DMKN: variants seen among roughly 807,000 people sequenced by gnomAD.
DMKN encodes epidermis-specific secreted protein SK30/SK89.
A neutral mutation model predicts 67.6 loss-of-function variants in DMKN; 58 were observed. The observed-to-expected ratio is 0.86, with a 90% CI of 0.69 to 1.07. DMKN has a LOEUF of 1.07. Ranked by LOEUF, DMKN falls within the 50% of genes least tolerant of loss-of-function variation. The probability of loss-of-function intolerance (pLI) is 0.00; values close to 1 mark genes in which losing one functional copy is unlikely to be tolerated. For synonymous variants in DMKN, 240 were observed against 232.3 expected (o/e 1.03, Z -0.30); for missense variants, 596 against 601.5 (o/e 0.99, Z 0.10).
At chr19:35,498,397 T>C (rs2067802266) in intron 15 of DMKN, 1 of 369,932 alleles carries the variant, frequency 2.7e-6, no homozygotes, top group African/African-American at 2.1e-5. Flanking sequence ...CTTTTAGAGA[T>C]GGGGTCTTGC....
At position 35,513,244 on chromosome 19, in the gene DMKN, C is replaced by T; in HGVS notation, c.232G>A (p.Ala78Thr). The change falls in exon 1 of 16, where the codon GCA becomes ACA. Residue 78 changes from alanine (A) to threonine (T), a missense_variant. Transcript: ENST00000339686. ...SEALGQGTRE[A>T]VGTGVRQVPG... Reference sequence around the variant, plus strand: ...ACCTGCCTGACTCCAGTGCCAACTGCTTCTCTGGTCCCTTGGCCAAGGGCC... The same window carrying T: ...ACCTGCCTGACTCCAGTGCCAACTGTTTCTCTGGTCCCTTGGCCAAGGGCC... 6.2e-7 allele frequency: 1 copy of T among 1,614,276 alleles called. No homozygotes were observed. Among genetic ancestry groups the T allele is most frequent in the South Asian group, 1.1e-5 (1 of 91,090 alleles).
rs1036725232 is a variant in DMKN at position 35,511,684 on chromosome 19, A to G, written c.735+79T>C. ...TCCCTCTCCACCCAGGCCATATTCC[A>G]TGATGCCCAGTCTAAGGGGAGCAGA... On this transcript the variant is annotated intron_variant, in intron 4 of 15. Coordinates refer to ENST00000339686, the MANE Select transcript of DMKN (RefSeq NM_033317.5). The G allele has an allele frequency of 9.4e-6, 15 of 1,592,118 alleles. No homozygotes were observed. The African/African-American group carries it at 1.9e-4, about 20-fold the overall frequency.
At chr19:35,507,366 A>G in intron 7 of DMKN, 1 of 1,313,496 alleles carries the variant, frequency 7.6e-7, no homozygotes, top group Non-Finnish European at 1.1e-6. Context: ...AGCTTGCAAG[A>G]AGAAACTGAT....
At chr19:35,506,047 G>A (rs1408779984) in intron 7 of DMKN, 61 bp from the exon 8 acceptor site, 2 of 1,613,208 alleles carry the variant, frequency 1.2e-6, no homozygotes, top group Admixed American at 3.3e-5. Context: ...AGAGTCGGGA[G>A]ATCTGAGTGG....
rs1320551830 is a variant in DMKN, at chr19:35,505,842, T to G, written c.1087-77A>C. ...GCCGAGAGAGGTCAAGGGCCACTGC[T>G]GACTGTTGGTTTAGAAAGAGGACCC... On this transcript the variant is annotated intron_variant, in intron 8 of 15. Transcript: ENST00000339686. 2.5e-6 allele frequency: 4 copies of G among 1,613,534 alleles called. No homozygotes were observed. The East Asian group carries it at 6.7e-5, about 27-fold the overall frequency.
chr19:35,502,690 G>C, intron 10 of DMKN, 140 bp downstream of exon 10: 1 of 832,894 alleles, frequency 1.2e-6, no homozygotes, highest in Non-Finnish European at 2.0e-6. Context: ...GGGTGATAGA[G>C]CGAGACTCTG....
rs142887476 is a variant in DMKN, at chr19:35,503,201, G to A, written c.1135-315C>T. 2,724 of 1,419,448 alleles carry A rather than the reference G, an allele frequency of 1.9e-3. 39 individuals carry two copies. The African/African-American group carries it at 0.035, about 18-fold the overall frequency. 87.9% of individuals were successfully genotyped at this position (1,419,448 alleles called of 1,614,324 possible). A position where few individuals can be genotyped will look rare whatever the true frequency, so the allele number is the denominator to read the frequency against. On this transcript the variant is annotated intron_variant, in intron 9 of 15. Transcript: ENST00000339686. ...TCAGAGTGTCCCCTTTCCACCTGCC[G>A]GGCCTCCTCCAGCCCGTTTCCCGAA...
intron 13 of DMKN, 134 bp downstream of exon 13, chr19:35,499,824 G>A: frequency 1.2e-6 from 1 of 861,912 alleles, no homozygotes; most frequent in Non-Finnish European, 1.8e-6. Flanking sequence ...GCAAAGGGGT[G>A]GGGAGGCCTG....
At chr19:35,498,641 G>A in intron 15 of DMKN, 75 bp downstream of exon 15, 1 of 1,594,026 alleles carries the variant, frequency 6.3e-7, no homozygotes, top group East Asian at 2.2e-5. Flanking sequence ...GATATACCAA[G>A]ATCCTGGCCC....
intron 7 of DMKN, chr19:35,507,460 T>G (rs4254439): frequency 0.31 from 483,181 of 1,550,390 alleles, 76,756 homozygotes; most frequent in East Asian, 0.45. Context: ...AGGCTCACCC[T>G]ATAATTGTCT....
intron 7 of DMKN, chr19:35,506,514 T>G (rs753966820): frequency 2.0e-6 from 1 of 510,980 alleles, no homozygotes; most frequent in African/African-American, 1.9e-5. Context: ...CCATGCCTTA[T>G]GCAGCATCTG....
chr19:35,511,479 CGCCACTGCTGCCGCCACTGCTGCT>C lies in DMKN; in HGVS notation c.826_849del (p.Ser276_Gly283del), dbSNP rs764527245. 40 of 955,362 alleles carry C rather than the reference CGCCACTGCTGCCGCCACTGCTGCT, an allele frequency of 4.2e-5. No homozygotes were observed. Among genetic ancestry groups the C allele is most frequent in the Middle Eastern group, 3.6e-4 (1 of 2,766 alleles). The allele number at this position is 955,362 out of a possible 1,614,324, so 59.2% of individuals were successfully genotyped here. On this transcript the variant is annotated inframe_deletion, in exon 5 of 16. Transcript: ENST00000339686. ...TTGCCACTGCTGCCACCACTGCTGC[CGCCACTGCTGCCGCCACTGCTGCT>C]GCCACTGCTGCTGCCACCACTGCTG... is the stretch of plus-strand genomic sequence containing the variant.
chr19:35,511,743 G>A lies in DMKN; in HGVS notation c.735+20C>T. The A allele has an allele frequency of 6.2e-7, 1 of 1,610,600 alleles. No homozygotes were observed. ...ATTTCCTCCTGGTGCACAACTCCTGGGTTGCCCCTCTCCACTCACCCCAGA... is the reference window on the plus strand; with the variant it reads ...ATTTCCTCCTGGTGCACAACTCCTGAGTTGCCCCTCTCCACTCACCCCAGA... On this transcript the variant is annotated intron_variant, in intron 4 of 15. Coordinates refer to ENST00000339686, the MANE Select transcript of DMKN (RefSeq NM_033317.5).
intron 7 of DMKN, chr19:35,507,417 T>C (rs751281136): frequency 6.5e-7 from 1 of 1,528,760 alleles, no homozygotes; most frequent in East Asian, 2.5e-5. Flanking sequence ...TGCTTCACCA[T>C]CCCTTCTCCT....
intron 9 of DMKN, among the ~76,000 whole-genome samples, chr19:35,503,798 C>T (rs1248471029): frequency 7.9e-5 from 12 of 152,012 alleles, no homozygotes; most frequent in African/African-American, 4.8e-5. Context: ...TAAGAGAGAG[C>T]TTGAGAAATA....
chr19:35,510,257 A>C lies in DMKN; in HGVS notation c.919-5T>G. The C allele has an allele frequency of 6.3e-7, 1 of 1,599,626 alleles. No homozygotes were observed. Among genetic ancestry groups the C allele is most frequent in the South Asian group, 1.1e-5 (1 of 88,336 alleles). On this transcript the variant is annotated splice_region_variant and splice_polypyrimidine_tract_variant and intron_variant, in intron 5 of 15. Coordinates refer to ENST00000339686, the MANE Select transcript of DMKN (RefSeq NM_033317.5). ...GGAGGAGCCGGTGCTGGATCCCTGCAGGGGAAAGCAAGATTTCAAACGCTG... is the reference window on the plus strand; with the variant it reads ...GGAGGAGCCGGTGCTGGATCCCTGCCGGGGAAAGCAAGATTTCAAACGCTG...
intron 7 of DMKN, chr19:35,509,623 T>G (rs535000362): frequency 2.6e-6 from 1 of 382,512 alleles, no homozygotes; most frequent in Non-Finnish European, 4.7e-6. Context: ...CCCGGCTGGA[T>G]AGAGGACATT....
At chr19:35,499,812 T>C in intron 13 of DMKN, 146 bp downstream of exon 13, 1 of 783,760 alleles carries the variant, frequency 1.3e-6, no homozygotes, top group East Asian at 2.6e-5. Flanking sequence ...CGAGTCTCCC[T>C]TGCAAAGGGG....
In DMKN at chr19:35,502,870, G is replaced by T. The variant is rs754611162; in HGVS notation, c.1151C>A (p.Pro384His). 1 of 1,614,018 alleles carries T rather than the reference G, an allele frequency of 6.2e-7. No individual in the cohort carries two copies. Among genetic ancestry groups the T allele is most frequent in the South Asian group, 1.1e-5 (1 of 91,072 alleles). The change falls in exon 10 of 16, where the codon CCC becomes CAC. Residue 384 changes from proline (P) to histidine (H), a missense_variant. Physicochemically the swap from Pro to His is moderately conservative, Grantham distance 77. Coordinates refer to ENST00000339686, the MANE Select transcript of DMKN (RefSeq NM_033317.5). ...GAAGTAGAGGAGGGCTCGGGTGCTG[G>T]GGGGCGGGACCTGGTTCTGTGGATG... ...DAINKNQVPP[P>H]STRALLYFSR...
Sources: allele counts gnomAD v4.1 joint callset (sites outside exome capture counted in the v4.1 genomes callset), GRCh38; gene constraint gnomAD v4.1.1; transcripts MANE v1.5; gene names NCBI Gene and HGNC (gene_info 2026-07-23, HGNC 2026-07-21).